Variants in MAP6 observed in about 807,000 individuals in gnomAD.
MAP6 encodes the protein microtubule-associated protein 6.
A neutral mutation model predicts 42.4 loss-of-function variants in MAP6; 26 were observed. That is an observed-to-expected ratio of 0.61 (90% CI 0.45 to 0.85). The LOEUF is 0.85. Among genes scored for constraint, MAP6 ranks in the 40% least tolerant of loss-of-function variants. MAP6 has a pLI of 0.00. For synonymous variants in MAP6, 418 were observed against 443.8 expected, an observed-to-expected ratio of 0.94 and a Z score of 0.73; for missense variants, 966 against 1,099.0, an observed-to-expected ratio of 0.88 and a Z score of 1.71.
Position 75,668,939 on chromosome 11 carries a change from T to G in MAP6, c.-570A>C, listed in dbSNP as rs1317631451. ...TGCCGCAGCCGCCGCCGCCACCGCC[T>G]CTTCTCCTGGGAAGCGACCCCACCC... On this transcript the variant is annotated 5_prime_UTR_variant, in exon 1 of 4. Transcript: ENST00000304771. The G allele has an allele frequency of 5.8e-6, 1 of 172,306 alleles. No individual in the cohort carries two copies. The highest frequency in any genetic ancestry group is 1.2e-5 in the Non-Finnish European group (1 of 80,318). The allele number at this position is 172,306 out of a possible 1,614,324, so 10.7% of individuals were successfully genotyped here. A position where few individuals can be genotyped will look rare whatever the true frequency, so the allele number is the denominator to read the frequency against.
chr11:75,658,869 C>T (rs185649691), intron 1 of MAP6, among the ~76,000 whole-genome samples: 37 of 152,344 alleles, frequency 2.4e-4, no homozygotes, highest in African/African-American at 8.9e-4. Flanking sequence ...ACCCTCTCTA[C>T]TGAATTTTCC....
chr11:75,606,051 G>T (rs986353263), intron 2 of MAP6, 47 bp from the exon 3 acceptor site: 2 of 1,598,546 alleles, frequency 1.3e-6, no homozygotes, highest in East Asian at 2.2e-5. Flanking sequence ...AAAAGGTGGG[G>T]CGTGGGAAGG....
intron 1 of MAP6, among the ~76,000 whole-genome samples, chr11:75,637,001 T>C (rs1172976229): frequency 2.0e-5 from 3 of 152,154 alleles, no homozygotes; most frequent in African/African-American, 7.2e-5. Flanking sequence ...CATTTGAAAA[T>C]AGCTTCCCAT....
At chr11:75,654,460 ACTC>A (rs1275155173) in intron 1 of MAP6, among the ~76,000 whole-genome samples, 26 of 151,896 alleles carry the variant, frequency 1.7e-4, no homozygotes, top group Admixed American at 1.7e-3. Flanking sequence ...TTCCTCTACA[ACTC>A]CTCAATAGCC....
intron 1 of MAP6, among the ~76,000 whole-genome samples, chr11:75,647,539 A>G (rs1943582530): frequency 6.6e-6 from 1 of 152,116 alleles, no homozygotes; most frequent in African/African-American, 2.4e-5. Flanking sequence ...CGCTGTTCCT[A>G]CATACCGCAA....
At chr11:75,600,995 G>A (rs1230791754) in intron 3 of MAP6, among the ~76,000 whole-genome samples, 2 of 152,214 alleles carry the variant, frequency 1.3e-5, no homozygotes, top group African/African-American at 4.8e-5. Flanking sequence ...GCTGTTTCAG[G>A]GAGGTAATGT....
intron 1 of MAP6, among the ~76,000 whole-genome samples, chr11:75,628,258 G>A (rs1028040607): frequency 6.6e-6 from 1 of 152,216 alleles, no homozygotes; most frequent in Non-Finnish European, 1.5e-5. Context: ...AGAAGCTGGA[G>A]GGACTGCAGG....
intron 3 of MAP6, chr11:75,605,120 C>T (rs993274178): frequency 3.0e-6 from 3 of 985,302 alleles, no homozygotes; most frequent in African/African-American, 1.7e-5. Flanking sequence ...TAACCTTCTT[C>T]ACCAGCCCTG....
chr11:75,616,297 C>A (rs1942992631), intron 1 of MAP6, among the ~76,000 whole-genome samples: 1 of 152,246 alleles, frequency 6.6e-6, no homozygotes. Context: ...AAATAAAATT[C>A]TTTTCCCATC....
intron 3 of MAP6, chr11:75,603,010 A>G: frequency 1.0e-6 from 1 of 985,814 alleles, no homozygotes; most frequent in Non-Finnish European, 1.2e-6. Flanking sequence ...AATAGCACCA[A>G]GAGAGGTGTG....
At chr11:75,634,312 T>G (rs1943333339) in intron 1 of MAP6, among the ~76,000 whole-genome samples, 1 of 152,240 alleles carries the variant, frequency 6.6e-6, no homozygotes, top group African/African-American at 2.4e-5. Flanking sequence ...ACAAAGTCTC[T>G]GTCACCCAGG....
Position 75,587,047 on chromosome 11 carries a change from A to T in MAP6, c.*12T>A, listed in dbSNP as rs771403684. ...CTGTCAGCTCCTTCATTGGTGTGTC[A>T]AGGGGTGAGTGTCAAGGGGAGCTCT... On this transcript the variant is annotated 3_prime_UTR_variant, in exon 4 of 4. Coordinates refer to ENST00000304771, the MANE Select transcript of MAP6 (RefSeq NM_033063.2). The T allele has an allele frequency of 1.5e-5, 24 of 1,563,950 alleles. No individual in the cohort carries two copies. The highest frequency in any genetic ancestry group is 2.1e-5 in the Non-Finnish European group (24 of 1,154,854).
intron 1 of MAP6, among the ~76,000 whole-genome samples, chr11:75,647,530 G>A (rs1447897621): frequency 2.6e-5 from 4 of 151,964 alleles, no homozygotes; most frequent in African/African-American, 7.2e-5. Flanking sequence ...ACATAACAAC[G>A]CTGTTCCTAC....
chr11:75,664,403 G>A (rs566405355), intron 1 of MAP6, among the ~76,000 whole-genome samples: 2 of 152,338 alleles, frequency 1.3e-5, no homozygotes, highest in South Asian at 4.1e-4. Flanking sequence ...GTAAAACAAT[G>A]AGCATGTATA....
rs908203947 is a variant in MAP6, at chr11:75,587,109, C to G, written c.2392G>C (p.Val798Leu). 1 of 1,609,664 alleles carries G rather than the reference C, an allele frequency of 6.2e-7. No homozygotes were observed. The highest frequency in any genetic ancestry group is 1.3e-5 in the African/African-American group (1 of 74,746). ...GTATGGGGGGCAGTTGGGATCATGA[C>G]TCGGGGTAGAGGTGAGACAGTAGGT... ...QLPTVSPLPRVMIPTAPHTEY... is the reference protein window; with the variant it reads ...QLPTVSPLPRLMIPTAPHTEY... The change falls in exon 4 of 4, where the codon GTC becomes CTC. Residue 798 changes from valine to leucine, a missense_variant. Coordinates refer to ENST00000304771, the MANE Select transcript of MAP6 (RefSeq NM_033063.2).
chr11:75,651,367 C>A (rs1943643212), intron 1 of MAP6, among the ~76,000 whole-genome samples: 1 of 152,146 alleles, frequency 6.6e-6, no homozygotes, highest in Non-Finnish European at 1.5e-5. Context: ...CACAGCCTGC[C>A]TTTGGCCCAC....
chr11:75,620,483 G>GAA (rs61563507), intron 1 of MAP6, among the ~76,000 whole-genome samples: 19 of 69,768 alleles, frequency 2.7e-4, no homozygotes, highest in South Asian at 4.7e-4. Context: ...TCAAAAGAGA[G>GAA]AAAAAAAAAA....
chr11:75,659,817 TTGAA>T (rs903035900), intron 1 of MAP6, among the ~76,000 whole-genome samples: 4 of 152,238 alleles, frequency 2.6e-5, no homozygotes, highest in African/African-American at 9.6e-5. Context: ...ATTTGGGACA[TTGAA>T]TGATTCTTAG....
intron 2 of MAP6, among the ~76,000 whole-genome samples, chr11:75,606,804 A>G (rs1228959639): frequency 2.6e-5 from 4 of 151,454 alleles, no homozygotes; most frequent in Admixed American, 6.6e-5. Flanking sequence ...ACTCTCCCCA[A>G]CCTCCCTCCT....
Sources: allele counts gnomAD v4.1 joint callset (sites outside exome capture counted in the v4.1 genomes callset), GRCh38; gene constraint gnomAD v4.1.1; transcripts MANE v1.5; gene names NCBI Gene and HGNC (gene_info 2026-07-23, HGNC 2026-07-21).